The following GAS2 variants were observed in gnomAD, a reference collection of about 807,000 sequenced individuals.
GAS2 encodes the protein growth arrest specific 2, also known as growth arrest-specific protein 2.
In GAS2, 20 loss-of-function variants were observed where a neutral mutation model predicts 37.5. The observed-to-expected ratio is 0.53, with a 90% confidence interval of 0.37 to 0.77. The LOEUF (loss-of-function observed/expected upper bound fraction) is 0.77, where lower values mean the gene tolerates loss of function less well. Among genes scored for constraint, GAS2 ranks in the 30% least tolerant of loss-of-function variants. The probability of loss-of-function intolerance (pLI) is 0.00; values close to 1 mark genes in which losing one functional copy is unlikely to be tolerated. For synonymous variants in GAS2, 144 were observed against 132.2 expected, an observed-to-expected ratio of 1.09 and a Z score of -0.61; for missense variants, 336 against 373.4, an observed-to-expected ratio of 0.90 and a Z score of 0.82.
chr11:22,650,192 G>T (rs1175534545), intron 1 of GAS2, among the ~76,000 whole-genome samples: 1 of 151,254 alleles, frequency 6.6e-6, no homozygotes, highest in African/African-American at 2.4e-5. Context: ...AGTCATTCAG[G>T]AGCAGGTTGT....
chr11:22,650,376 G>GA, intron 1 of GAS2, among the ~76,000 whole-genome samples: 1 of 151,448 alleles, frequency 6.6e-6, no homozygotes, highest in Non-Finnish European at 1.5e-5. Context: ...GTGTGGTGCT[G>GA]AAAAAAATGT....
At chr11:22,720,643 C>T (rs1851902946) in intron 3 of GAS2, among the ~76,000 whole-genome samples, 2 of 151,832 alleles carry the variant, frequency 1.3e-5, no homozygotes, top group East Asian at 1.9e-4. Flanking sequence ...CTATTTGAAC[C>T]GTACACTCTA....
intron 1 of GAS2, among the ~76,000 whole-genome samples, chr11:22,647,745 C>A (rs1483963245): frequency 6.6e-6 from 1 of 151,998 alleles, no homozygotes; most frequent in Non-Finnish European, 1.5e-5. Flanking sequence ...CTGTTCATGT[C>A]CTTCGCCCAC....
intron 1 of GAS2, among the ~76,000 whole-genome samples, chr11:22,673,738 C>T (rs1590606014): frequency 6.6e-6 from 1 of 152,168 alleles, no homozygotes; most frequent in Non-Finnish European, 1.5e-5. Flanking sequence ...GAAACCCCAT[C>T]TCTACTAAAA....
intron 7 of GAS2, among the ~76,000 whole-genome samples, chr11:22,789,691 T>A (rs1856046292): frequency 6.6e-6 from 1 of 151,338 alleles, no homozygotes; most frequent in Non-Finnish European, 1.5e-5. Context: ...GGTCGCGATC[T>A]CCTGACCTCA....
intron 7 of GAS2, among the ~76,000 whole-genome samples, chr11:22,775,154 TAAG>T (rs1022914784): frequency 1.3e-5 from 2 of 152,160 alleles, no homozygotes; most frequent in East Asian, 1.9e-4. Flanking sequence ...CTGAAGGCAA[TAAG>T]AAGATTCTAA....
At chr11:22,632,883 G>A (rs1293732221) in intron 1 of GAS2, among the ~76,000 whole-genome samples, 1 of 151,312 alleles carries the variant, frequency 6.6e-6, no homozygotes, top group Admixed American at 6.6e-5. Flanking sequence ...TTCCCTAAAT[G>A]TGTCTTTTGT....
chr11:22,736,804 T>G (rs1468905035), intron 4 of GAS2, among the ~76,000 whole-genome samples: 1 of 151,764 alleles, frequency 6.6e-6, no homozygotes, highest in Non-Finnish European at 1.5e-5. Flanking sequence ...AGTGTAAGAC[T>G]GTTCTCAGTG....
At chr11:22,708,294 A>C (rs748931202) in intron 3 of GAS2, among the ~76,000 whole-genome samples, 4 of 152,160 alleles carry the variant, frequency 2.6e-5, no homozygotes, top group Admixed American at 2.0e-4. Context: ...TATGTTTTTT[A>C]GTGATTATTA....
chr11:22,737,381 G>T (rs148855455), intron 4 of GAS2, among the ~76,000 whole-genome samples: 2 of 152,158 alleles, frequency 1.3e-5, no homozygotes, highest in East Asian at 1.9e-4. Context: ...AGCTACATAG[G>T]CATCCAATAT....
At chr11:22,757,642 T>A (rs1239958504) in intron 7 of GAS2, among the ~76,000 whole-genome samples, 1 of 152,216 alleles carries the variant, frequency 6.6e-6, no homozygotes, top group Non-Finnish European at 1.5e-5. Flanking sequence ...TTTATTCTCT[T>A]GATTTTTATA....
chr11:22,637,678 ATT>A (rs1409594657), intron 1 of GAS2, among the ~76,000 whole-genome samples: 1 of 138,776 alleles, frequency 7.2e-6, no homozygotes, highest in East Asian at 2.2e-4. Flanking sequence ...AAATATTTAT[ATT>A]ATATCAATAA....
At chr11:22,715,376 A>G (rs568808075) in intron 3 of GAS2, among the ~76,000 whole-genome samples, 8 of 138,970 alleles carry the variant, frequency 5.8e-5, no homozygotes, top group African/African-American at 2.1e-4. Flanking sequence ...CAGGAGAATC[A>G]CTTGAACCCG....
chr11:22,718,200 G>A (rs899830147), intron 3 of GAS2, among the ~76,000 whole-genome samples: 7 of 151,926 alleles, frequency 4.6e-5, no homozygotes, highest in South Asian at 2.1e-4. Context: ...TTGCAATTGC[G>A]AAAATATGGA....
At chr11:22,811,744 A>AC (rs1857180030) in intron 7 of GAS2, 54 bp from the exon 8 acceptor site, 4 of 1,519,712 alleles carry the variant, frequency 2.6e-6, no homozygotes, top group Non-Finnish European at 3.7e-6. Flanking sequence ...GGGTTGATTC[A>AC]AGGTACTGTA....
rs941756697 is a variant in GAS2, at chr11:22,647,143, A to G, written c.-21+21330A>G. Among the ~76,000 whole-genome samples the G allele has an allele frequency of 9.6e-5, 13 of 135,598 alleles. No homozygotes were observed. The East Asian group carries it at 1.3e-3, about 14-fold the overall frequency. 89.0% of individuals were successfully genotyped at this position (135,598 alleles called of 152,430 possible). On this transcript the variant is annotated intron_variant, in intron 1 of 5. Transcript: ENST00000528582. Reference sequence around the variant, plus strand: ...TGTGTCCATGTGTTCTCATTGTTCAATTCCCACCTATGAGTGAGAATATGC... The same window carrying G: ...TGTGTCCATGTGTTCTCATTGTTCAGTTCCCACCTATGAGTGAGAATATGC...
At chr11:22,751,511 G>A (rs1052745074) in intron 6 of GAS2, among the ~76,000 whole-genome samples, 1 of 151,886 alleles carries the variant, frequency 6.6e-6, no homozygotes, top group Non-Finnish European at 1.5e-5. Flanking sequence ...ATCCAGTACT[G>A]TGTTTTTTGG....
Position 22,721,579 on chromosome 11 carries a change from T to C in GAS2, c.268-4713T>C, listed in dbSNP as rs141624347. Among the ~76,000 whole-genome samples the C allele has an allele frequency of 1.0e-3, 159 of 152,166 alleles. 1 individual carries two copies. Among genetic ancestry groups the C allele is most frequent in the African/African-American group, 3.5e-3 (146 of 41,564 alleles). The stretch of plus-strand genomic sequence containing the variant: ...ATAAATTCACTTCTCCCACTATGAA[T>C]GTACTATCTAATATGATAGCCACTA... On this transcript the variant is annotated intron_variant, in intron 3 of 7. Transcript: ENST00000454584.
At chr11:22,728,474 A>G (rs2134176456) in intron 4 of GAS2, among the ~76,000 whole-genome samples, 1 of 151,912 alleles carries the variant, frequency 6.6e-6, no homozygotes, top group South Asian at 2.1e-4. Flanking sequence ...TAGATGGCCT[A>G]CTTCTTCAGC....
Sources: gnomAD v4.1 joint callset for allele counts (sites outside exome capture counted in the v4.1 genomes callset) on GRCh38, gnomAD v4.1.1 for gene constraint, MANE v1.5 for transcripts, NCBI Gene and HGNC (gene_info 2026-07-23, HGNC 2026-07-21) for gene names.